SORCS2: variants seen among roughly 807,000 people sequenced by gnomAD.
SORCS2 encodes sortilin related VPS10 domain containing receptor 2, also known as VPS10 domain-containing receptor SorCS2.
A neutral mutation model predicts 141.6 loss-of-function variants in SORCS2; 100 were observed. The observed-to-expected ratio is 0.71, with a 90% confidence interval of 0.60 to 0.83. The LOEUF (loss-of-function observed/expected upper bound fraction) is 0.83. SORCS2 is among the 40% of genes least tolerant of loss of function. The pLI, the probability that SORCS2 is intolerant of heterozygous loss-of-function variation, is 0.00. For missense variants in SORCS2, 1,646 were observed against 1,560.2 expected (o/e 1.05, Z -0.93); for synonymous variants, 789 against 676.9 (o/e 1.17, Z -2.57).
intron 4 of SORCS2, among the ~76,000 whole-genome samples, chr4:7,639,989 G>A (rs962533278): frequency 6.6e-6 from 1 of 151,666 alleles, no homozygotes; most frequent in Non-Finnish European, 1.5e-5. Context: ...ATGTGAGCAC[G>A]TGTGCGAGTG....
At chr4:7,499,160 GCA>G (rs1731810353) in intron 2 of SORCS2, among the ~76,000 whole-genome samples, 1 of 151,698 alleles carries the variant, frequency 6.6e-6, no homozygotes, top group African/African-American at 2.4e-5. Context: ...ACGAGTATGT[GCA>G]TGTGAGTGCA....
chr4:7,431,684 C>T (rs1726872628), intron 2 of SORCS2: 1 of 152,356 alleles, frequency 6.6e-6, no homozygotes, highest in East Asian at 1.9e-4. Context: ...CGACCACCAC[C>T]CCTTGCTGGC....
intron 2 of SORCS2, among the ~76,000 whole-genome samples, chr4:7,401,150 G>C (rs1368546498): frequency 6.6e-6 from 1 of 151,878 alleles, no homozygotes; most frequent in Non-Finnish European, 1.5e-5. Context: ...TGGACTGATA[G>C]ATGGACAGAT....
chr4:7,551,201 T>C (rs1233627354), intron 3 of SORCS2, among the ~76,000 whole-genome samples: 1 of 152,206 alleles, frequency 6.6e-6, no homozygotes, highest in Non-Finnish European at 1.5e-5. Flanking sequence ...TTGGTCAAGA[T>C]CTCTCAGCGG....
chr4:7,604,779 C>T (rs529201611), intron 3 of SORCS2, among the ~76,000 whole-genome samples: 8 of 152,240 alleles, frequency 5.3e-5, no homozygotes, highest in Admixed American at 1.3e-4. Context: ...TACCTGGTCT[C>T]GGGTATTTCT....
intron 1 of SORCS2, among the ~76,000 whole-genome samples, chr4:7,311,001 T>C (rs1718147895): frequency 2.0e-5 from 3 of 152,234 alleles, no homozygotes; most frequent in Admixed American, 2.0e-4. Context: ...CGTGTGTTTA[T>C]TTCTCTTGAA....
chr4:7,642,134 C>T (rs1720790152), intron 4 of SORCS2, among the ~76,000 whole-genome samples: 1 of 152,178 alleles, frequency 6.6e-6, no homozygotes, highest in Non-Finnish European at 1.5e-5. Flanking sequence ...AATGGAGATT[C>T]CTGGCTGTCC....
intron 1 of SORCS2, among the ~76,000 whole-genome samples, chr4:7,322,896 G>A (rs1336363378): frequency 6.6e-6 from 1 of 152,182 alleles, no homozygotes; most frequent in African/African-American, 2.4e-5. Flanking sequence ...CCTGCCTAGA[G>A]CCTGCCTCCC....
At chr4:7,425,567 C>G (rs531526727) in intron 2 of SORCS2, among the ~76,000 whole-genome samples, 2 of 152,204 alleles carry the variant, frequency 1.3e-5, no homozygotes, top group Non-Finnish European at 2.9e-5. Context: ...CTGCTCCTTT[C>G]CTTGGTCTCA....
At chr4:7,568,534 T>C (rs530745576) in intron 3 of SORCS2, among the ~76,000 whole-genome samples, 2 of 152,268 alleles carry the variant, frequency 1.3e-5, no homozygotes, top group Admixed American at 1.3e-4. Context: ...ATGTTCCACA[T>C]TGATTTTCCT....
chr4:7,421,576 T>C (rs928434813), intron 2 of SORCS2, among the ~76,000 whole-genome samples: 3 of 151,970 alleles, frequency 2.0e-5, no homozygotes, highest in African/African-American at 2.4e-5. Context: ...ACTGTACTTC[T>C]TGGCAATGGG....
intron 9 of SORCS2, among the ~76,000 whole-genome samples, chr4:7,681,114 TA>T: frequency 6.6e-6 from 1 of 152,356 alleles, no homozygotes; most frequent in Middle Eastern, 3.4e-3. Context: ...GGGGTGAATG[TA>T]TTTTACTTGA....
chr4:7,396,437 AAC>A (rs1255054811), intron 2 of SORCS2, 82 bp downstream of exon 2: 34 of 1,423,548 alleles, frequency 2.4e-5, no homozygotes, highest in Non-Finnish European at 3.9e-6. Context: ...CCGAGATCCA[AAC>A]ACCTCACTGT....
At position 7,481,018 on chromosome 4, in the gene SORCS2, C is replaced by T. The variant is rs773915984; in HGVS notation, c.549-50512C>T. Among the ~76,000 whole-genome samples the T allele has an allele frequency of 5.3e-5, 8 of 152,238 alleles. No individual in the cohort carries two copies. In the East Asian group the frequency reaches 7.7e-4, roughly 15 times the overall value. ...TCCTGAGGGGCTTCTCCTCCTAGAC[C>T]GACTGTCCTCCCTTTTCTTTGAAAT... On this transcript the variant is annotated intron_variant, in intron 2 of 26. Transcript: ENST00000507866.
rs552907891 is a variant in SORCS2 at position 7,726,818 on chromosome 4, T to C, written c.2784T>C (p.Phe928=). The C allele has an allele frequency of 1.2e-6, 2 of 1,613,812 alleles. No homozygotes were observed. The highest frequency in any genetic ancestry group is 2.2e-5 in the South Asian group (2 of 91,074). ...LSLDNSVTTR[F]SDTGDVRVTV... is the part of the protein sequence containing the mutation. ...TGGATAATTCTGTGACAACGCGGTTTTCGGACACGGGCGACGTGCGTGTGA... is the reference window on the plus strand; with the variant it reads ...TGGATAATTCTGTGACAACGCGGTTCTCGGACACGGGCGACGTGCGTGTGA... Residue 928 remains phenylalanine (F), a synonymous_variant, in exon 21 of 27, where the codon TTT becomes TTC. Transcript: ENST00000507866.
intron 14 of SORCS2, among the ~76,000 whole-genome samples, chr4:7,707,436 C>T (rs1163005722): frequency 2.6e-5 from 4 of 152,306 alleles, no homozygotes; most frequent in East Asian, 1.9e-4. Flanking sequence ...ACTGAGATTG[C>T]GTGGGGCACA....
At chr4:7,657,221 C>G (rs557662505) in intron 5 of SORCS2, among the ~76,000 whole-genome samples, 1 of 152,100 alleles carries the variant, frequency 6.6e-6, no homozygotes, top group Non-Finnish European at 1.5e-5. Context: ...AAGGAACAAA[C>G]GTGGTAAATA....
intron 2 of SORCS2, among the ~76,000 whole-genome samples, chr4:7,490,787 G>A (rs927796005): frequency 1.3e-5 from 2 of 152,062 alleles, no homozygotes; most frequent in East Asian, 1.9e-4. Flanking sequence ...TGGCATCTCC[G>A]TGCCCCAGGT....
At chr4:7,528,942 C>A (rs1428154463) in intron 2 of SORCS2, among the ~76,000 whole-genome samples, 3 of 152,228 alleles carry the variant, frequency 2.0e-5, no homozygotes, top group Non-Finnish European at 4.4e-5. Context: ...GCGGCCACAT[C>A]ACCTCACTTT....
Sources: gnomAD v4.1 joint callset for allele counts (sites outside exome capture counted in the v4.1 genomes callset) on GRCh38, gnomAD v4.1.1 for gene constraint, MANE v1.5 for transcripts, NCBI Gene and HGNC (gene_info 2026-07-23, HGNC 2026-07-21) for gene names.